DYNC2LI1: variants seen among roughly 807,000 people sequenced by gnomAD.
The protein encoded by DYNC2LI1 is cytoplasmic dynein 2 light intermediate chain 1.
DYNC2LI1 carries 45 observed loss-of-function variants against 51.9 expected under a neutral mutation model. The observed-to-expected ratio is 0.87, with a 90% CI of 0.68 to 1.11. DYNC2LI1 has a LOEUF of 1.11. Among genes scored for constraint, DYNC2LI1 ranks in the 50% most tolerant of loss-of-function variants. The pLI is 0.00. For synonymous variants in DYNC2LI1, 130 were observed against 137.8 expected (o/e 0.94, Z 0.40); for missense variants, 490 against 417.4 (o/e 1.17, Z -1.51).
intron 10 of DYNC2LI1, among the ~76,000 whole-genome samples, chr2:43,802,373 G>A (rs1666103761): frequency 6.7e-6 from 1 of 149,940 alleles, no homozygotes; most frequent in Non-Finnish European, 1.5e-5. Flanking sequence ...TGGGCAGTAG[G>A]GTTTTTTTTT....
chr2:43,776,195 A>T (rs1163359959), intron 1 of DYNC2LI1, among the ~76,000 whole-genome samples: 3 of 151,830 alleles, frequency 2.0e-5, no homozygotes, highest in African/African-American at 7.3e-5. Context: ...ATGCTAATTT[A>T]TTAGTAGTAG....
At chr2:43,824,052 G>A in the DYNC2LI1 span, 3 of 1,614,084 alleles carry the variant, frequency 1.9e-6, no homozygotes, top group Admixed American at 5.0e-5. Flanking sequence ...ACAAACCCAT[G>A]ATCAGATTCT....
In DYNC2LI1 at chr2:43,779,070, A is replaced by G. The variant is rs377265753; in HGVS notation, c.126+2171A>G. ...CAGGAGTTCGAGACCAACCTAGGCA[A>G]CGTGGCAAAACCCAGTCTCCCCCCA... On this transcript the variant is annotated intron_variant, in intron 2 of 12. Coordinates refer to ENST00000260605, the MANE Select transcript of DYNC2LI1 (RefSeq NM_016008.4). 5.3e-5 allele frequency among the ~76,000 whole-genome samples: 8 copies of G among 152,206 alleles called. No individual in the cohort carries two copies. The East Asian group carries it at 1.2e-3, about 22-fold the overall frequency.
At chr2:43,784,569 G>A (rs1020594209) in intron 3 of DYNC2LI1, among the ~76,000 whole-genome samples, 1 of 151,940 alleles carries the variant, frequency 6.6e-6, no homozygotes, top group Non-Finnish European at 1.5e-5. Flanking sequence ...CCTCCCGCTG[G>A]GATTACAGGC....
chr2:43,798,674 G>A (rs1665973131), intron 8 of DYNC2LI1, among the ~76,000 whole-genome samples: 1 of 152,202 alleles, frequency 6.6e-6, no homozygotes, highest in Admixed American at 6.5e-5. Flanking sequence ...GATCAAACAA[G>A]ATCAGGGACC....
At chr2:43,822,936 C>G in the DYNC2LI1 span, 1 of 1,613,816 alleles carries the variant, frequency 6.2e-7, no homozygotes, top group Non-Finnish European at 8.5e-7. Flanking sequence ...AGCACGGGAA[C>G]TGGGGATGGA....
At chr2:43,780,887 T>G (rs1446429922) in intron 2 of DYNC2LI1, among the ~76,000 whole-genome samples, 2 of 152,136 alleles carry the variant, frequency 1.3e-5, no homozygotes, top group Non-Finnish European at 2.9e-5. Flanking sequence ...GGTCAATGTT[T>G]CTTGAATTAG....
downstream of DYNC2LI1, among the ~76,000 whole-genome samples, chr2:43,813,532 C>G (rs1247280105): frequency 6.6e-6 from 1 of 152,030 alleles, no homozygotes; most frequent in Non-Finnish European, 1.5e-5. Flanking sequence ...GATTCATTAC[C>G]ATATTTGTGA....
intron 3 of DYNC2LI1, 43 bp downstream of exon 3, chr2:43,783,597 T>C (rs1416467550): frequency 3.8e-6 from 5 of 1,317,950 alleles, no homozygotes; most frequent in Admixed American, 2.8e-5. Flanking sequence ...ATGCTTATTC[T>C]AGTTGTATAG....
chr2:43,774,589 A>G (rs1434895656), intron 1 of DYNC2LI1, among the ~76,000 whole-genome samples: 2 of 152,236 alleles, frequency 1.3e-5, no homozygotes, highest in Non-Finnish European at 2.9e-5. Flanking sequence ...GAGGGTTTGT[A>G]AACTATATTC....
At chr2:43,787,853 G>C (rs1673596798) in intron 4 of DYNC2LI1, among the ~76,000 whole-genome samples, 1 of 152,110 alleles carries the variant, frequency 6.6e-6, no homozygotes. Flanking sequence ...TGTGTAGAAG[G>C]ACAATCTAGA....
downstream of DYNC2LI1, chr2:43,812,648 A>ATTC (rs1666542514): frequency 5.4e-6 from 1 of 185,166 alleles, no homozygotes; most frequent in Non-Finnish European, 1.1e-5. Context: ...GAACAGAAGC[A>ATTC]TTCTTACCCA....
chr2:43,789,798 G>A, intron 5 of DYNC2LI1, 77 bp downstream of exon 5: 3 of 1,339,490 alleles, frequency 2.2e-6, no homozygotes, highest in Non-Finnish European at 3.1e-6. Context: ...GCTTTTCTCA[G>A]TCAGAATTTT....
chr2:43,795,970 C>T lies in DYNC2LI1; in HGVS notation c.576+12C>T, dbSNP rs186897913. ...ATGATGTTTTTCAGGTAAGCTCTTC[C>T]GCTTCTAGCTGAGTTTGTTGTACAT... is the stretch of plus-strand genomic sequence containing the variant. On this transcript the variant is annotated intron_variant, in intron 7 of 12. Transcript: ENST00000260605. The T allele has an allele frequency of 1.4e-4, 225 of 1,605,454 alleles. No homozygotes were observed. Among genetic ancestry groups the T allele is most frequent in the Non-Finnish European group, 1.7e-4 (194 of 1,172,492 alleles).
intron 3 of DYNC2LI1, among the ~76,000 whole-genome samples, chr2:43,786,718 C>G (rs1673536402): frequency 6.6e-6 from 1 of 152,070 alleles, no homozygotes; most frequent in Admixed American, 6.6e-5. Context: ...CCCAGCTACT[C>G]GGGAGGCTGA....
chr2:43,777,812 T>C (rs1177435433), intron 2 of DYNC2LI1, among the ~76,000 whole-genome samples: 1 of 152,172 alleles, frequency 6.6e-6, no homozygotes, highest in Non-Finnish European at 1.5e-5. Context: ...GGGTTTTATA[T>C]ACAACATTAA....
intron 2 of DYNC2LI1, among the ~76,000 whole-genome samples, chr2:43,780,300 T>C (rs1673218720): frequency 6.6e-6 from 1 of 152,134 alleles, no homozygotes; most frequent in Non-Finnish European, 1.5e-5. Context: ...AAGGCCTCCA[T>C]TGGGAGGCAA....
At chr2:43,801,385 TAGCC>T (rs1666072821) in intron 9 of DYNC2LI1, 1 of 281,576 alleles carries the variant, frequency 3.6e-6, no homozygotes, top group African/African-American at 2.2e-5. Context: ...TGTATCTTCT[TAGCC>T]TTGCTACTTC....
chr2:43,825,099 G>C, the DYNC2LI1 span: 5 of 1,552,870 alleles, frequency 3.2e-6, no homozygotes, highest in Non-Finnish European at 4.4e-6. Context: ...CACTGATGCA[G>C]GGCCAAGGTC....
Sources: gnomAD v4.1 joint callset for allele counts (sites outside exome capture counted in the v4.1 genomes callset) on GRCh38, gnomAD v4.1.1 for gene constraint, MANE v1.5 for transcripts, NCBI Gene and HGNC (gene_info 2026-07-23, HGNC 2026-07-21) for gene names.